RERE: variants seen among roughly 807,000 people sequenced by gnomAD.
RERE encodes arginine-glutamic acid dipeptide repeats.
A neutral mutation model predicts 146.1 loss-of-function variants in RERE; 40 were observed. That is an observed-to-expected ratio of 0.27 (90% CI 0.21 to 0.36). RERE has a LOEUF of 0.36. Among genes scored for constraint, RERE ranks in the 10% least tolerant of loss-of-function variants. The probability of loss-of-function intolerance (pLI) is 1.00; values close to 1 mark genes in which losing one functional copy is unlikely to be tolerated. For missense variants in RERE, 1,933 were observed against 2,138.7 expected (o/e 0.90, Z 1.90); for synonymous variants, 1,003 against 866.0 (o/e 1.16, Z -2.78).
At chr1:8,568,145 A>G (rs1367406723) in intron 4 of RERE, among the ~76,000 whole-genome samples, 1 of 152,160 alleles carries the variant, frequency 6.6e-6, no homozygotes, top group African/African-American at 2.4e-5. Context: ...AAAAAAAAGC[A>G]GGGAAAAGGA....
intron 10 of RERE, among the ~76,000 whole-genome samples, chr1:8,468,871 C>T (rs1484094095): frequency 5.3e-5 from 8 of 150,632 alleles, no homozygotes; most frequent in Admixed American, 2.6e-4. Flanking sequence ...ACTACAAGTC[C>T]GGGTGACAGA....
intron 1 of RERE, among the ~76,000 whole-genome samples, chr1:8,773,781 G>A (rs763140043): frequency 1.3e-5 from 2 of 152,122 alleles, no homozygotes; most frequent in East Asian, 1.9e-4. Flanking sequence ...CTGAGATCGC[G>A]CCACTGCACT....
chr1:8,390,443 C>G (rs943269634), intron 12 of RERE, among the ~76,000 whole-genome samples: 1 of 152,176 alleles, frequency 6.6e-6, no homozygotes, highest in Non-Finnish European at 1.5e-5. Flanking sequence ...TTCCCCTGCC[C>G]ACTAATCTAT....
intron 10 of RERE, among the ~76,000 whole-genome samples, chr1:8,488,086 CAA>C (rs61502634): frequency 6.3e-5 from 8 of 126,146 alleles, no homozygotes; most frequent in East Asian, 2.1e-4. Flanking sequence ...TTTTTTTAAT[CAA>C]AAAAAAAAAA....
chr1:8,655,862 T>G, intron 2 of RERE, 111 bp downstream of exon 2: 1 of 1,507,154 alleles, frequency 6.6e-7, no homozygotes, highest in South Asian at 1.4e-5. Context: ...TTCCTACTCT[T>G]CTAGATTCCA....
rs1282139125 is a variant in RERE, at chr1:8,488,852, G to A, written c.1104+6211C>T. Among the ~76,000 whole-genome samples, 7 of 152,132 alleles carry A rather than the reference G, an allele frequency of 4.6e-5. No homozygotes were observed. The South Asian group carries it at 1.5e-3, about 32-fold the overall frequency. The stretch of plus-strand genomic sequence containing the variant: ...TGTTCAAACAACAGGTATCTGTGTG[G>A]AAGAAAATCAATTTTCACTCCATAA... On this transcript the variant is annotated intron_variant, in intron 10 of 22. Transcript: ENST00000400908.
intron 1 of RERE, among the ~76,000 whole-genome samples, chr1:8,696,538 C>CG (rs1279589872): frequency 3.3e-5 from 5 of 152,108 alleles, no homozygotes; most frequent in Non-Finnish European, 7.3e-5. Context: ...CGCTTGCACC[C>CG]GCAAGGTGGA....
intron 2 of RERE, among the ~76,000 whole-genome samples, chr1:8,636,874 C>T (rs1647108087): frequency 1.3e-5 from 2 of 152,154 alleles, no homozygotes; most frequent in Admixed American, 6.5e-5. Context: ...GTAACAGAAG[C>T]TTTGCCTGTA....
intron 2 of RERE, among the ~76,000 whole-genome samples, chr1:8,653,865 A>G (rs1647773375): frequency 6.6e-6 from 1 of 152,136 alleles, no homozygotes; most frequent in Non-Finnish European, 1.5e-5. Flanking sequence ...TACAGACAGT[A>G]CTGTAACCTA....
intron 3 of RERE, among the ~76,000 whole-genome samples, chr1:8,617,688 C>T (rs897620274): frequency 6.6e-6 from 1 of 152,132 alleles, no homozygotes; most frequent in African/African-American, 2.4e-5. Flanking sequence ...AACAAATCAT[C>T]ATAGCGTAAG....
chr1:8,409,484 A>G (rs1176703867), intron 12 of RERE, among the ~76,000 whole-genome samples: 1 of 152,224 alleles, frequency 6.6e-6, no homozygotes, highest in Non-Finnish European at 1.5e-5. Flanking sequence ...AGGCTCAATG[A>G]AAAGCAGAAA....
chr1:8,689,094 A>C (rs1639152130), intron 1 of RERE, among the ~76,000 whole-genome samples: 2 of 151,808 alleles, frequency 1.3e-5, no homozygotes, highest in African/African-American at 4.9e-5. Flanking sequence ...AGTTTTATCA[A>C]GTAAAAATTT....
chr1:8,606,833 A>G (rs1465039253), intron 4 of RERE, among the ~76,000 whole-genome samples: 1 of 152,226 alleles, frequency 6.6e-6, no homozygotes, highest in Non-Finnish European at 1.5e-5. Context: ...GAAAAACTAC[A>G]TTCATTTTAA....
chr1:8,366,679 T>G (rs975844502), intron 12 of RERE, among the ~76,000 whole-genome samples: 2 of 152,174 alleles, frequency 1.3e-5, no homozygotes, highest in African/African-American at 4.8e-5. Flanking sequence ...ACAGTGGTGC[T>G]GATGCAAAGG....
intron 1 of RERE, among the ~76,000 whole-genome samples, chr1:8,707,885 A>G (rs1047725878): frequency 6.6e-6 from 1 of 152,248 alleles, no homozygotes; most frequent in Non-Finnish European, 1.5e-5. Context: ...GTTCAAAAAT[A>G]GGTGACTAAG....
intron 4 of RERE, among the ~76,000 whole-genome samples, chr1:8,577,443 G>A (rs1330295899): frequency 6.6e-6 from 1 of 152,006 alleles, no homozygotes; most frequent in African/African-American, 2.4e-5. Context: ...AGAATAAAAC[G>A]GAACAGAAAC....
intron 11 of RERE, among the ~76,000 whole-genome samples, chr1:8,456,625 G>A (rs865819754): frequency 6.6e-6 from 1 of 152,136 alleles, no homozygotes; most frequent in Non-Finnish European, 1.5e-5. Context: ...TTAACTGTGA[G>A]GTACAAAATA....
intron 13 of RERE, among the ~76,000 whole-genome samples, chr1:8,365,333 G>C (rs1353665054): frequency 6.6e-6 from 1 of 152,186 alleles, no homozygotes; most frequent in Non-Finnish European, 1.5e-5. Flanking sequence ...GGGGTGAGAA[G>C]GTGTGGGCTC....
chr1:8,607,534 C>CTTTTTTTTTTCTT (rs1646733684), intron 4 of RERE, among the ~76,000 whole-genome samples: 1 of 48,584 alleles, frequency 2.1e-5, no homozygotes, highest in Admixed American at 3.6e-4. Context: ...ATATATATTT[C>CTTTTTTTTTTCTT]TTTTTTTTTT....
Sources: gnomAD v4.1 joint callset for allele counts (sites outside exome capture counted in the v4.1 genomes callset) on GRCh38, gnomAD v4.1.1 for gene constraint, MANE v1.5 for transcripts, NCBI Gene and HGNC (gene_info 2026-07-23, HGNC 2026-07-21) for gene names.